Variants in PPP1R16B observed in about 807,000 individuals in gnomAD.
PPP1R16B encodes protein phosphatase 1 regulatory subunit 16B.
A neutral mutation model predicts 61.7 loss-of-function variants in PPP1R16B; 14 were observed. The ratio of observed to expected loss-of-function variants is 0.23; its 90% confidence interval spans 0.15 to 0.35. PPP1R16B has a LOEUF of 0.35. Ranked by LOEUF, PPP1R16B falls within the 10% of genes least tolerant of loss-of-function variation. The pLI is 1.00. For missense variants in PPP1R16B, 547 were observed against 752.5 expected (o/e 0.73, Z 3.19); for synonymous variants, 266 against 305.3 (o/e 0.87, Z 1.34).
chr20:38,881,667 T>C (rs910885684), intron 2 of PPP1R16B, among the ~76,000 whole-genome samples: 1 of 152,216 alleles, frequency 6.6e-6, no homozygotes, highest in African/African-American at 2.4e-5. Context: ...GTGACTTCAT[T>C]TGCAAATATA....
intron 2 of PPP1R16B, among the ~76,000 whole-genome samples, chr20:38,877,952 GTTTTTTTTT>G (rs34151516): frequency 2.8e-4 from 16 of 57,778 alleles, no homozygotes; most frequent in African/African-American, 9.2e-4. Context: ...GCACACAGTT[GTTTTTTTTT>G]TTTTTTTTTT....
chr20:38,814,161 C>T (rs957110784), intron 1 of PPP1R16B, among the ~76,000 whole-genome samples: 1 of 152,174 alleles, frequency 6.6e-6, no homozygotes, highest in African/African-American at 2.4e-5. Context: ...GGTTCAATGT[C>T]TTACTCAAGG....
chr20:38,875,890 G>C (rs2085162229), intron 2 of PPP1R16B, among the ~76,000 whole-genome samples: 1 of 151,696 alleles, frequency 6.6e-6, no homozygotes, highest in East Asian at 1.9e-4. Context: ...GTTCACCTTG[G>C]ACTTATATTT....
At chr20:38,875,010 C>T (rs1175342110) in intron 2 of PPP1R16B, among the ~76,000 whole-genome samples, 3 of 152,190 alleles carry the variant, frequency 2.0e-5, no homozygotes, top group Non-Finnish European at 2.9e-5. Flanking sequence ...CTCTTCTTAT[C>T]GCAGGCTTGT....
chr20:38,882,349 A>AT (rs201230872), intron 2 of PPP1R16B, among the ~76,000 whole-genome samples: 1,720 of 151,060 alleles, frequency 0.011, 29 homozygotes, highest in African/African-American at 0.04. Context: ...CTGCTCACTC[A>AT]TTTTTTTTTA....
At chr20:38,846,563 T>C (rs1336863595) in intron 2 of PPP1R16B, among the ~76,000 whole-genome samples, 1 of 152,246 alleles carries the variant, frequency 6.6e-6, no homozygotes, top group Non-Finnish European at 1.5e-5. Context: ...ATATACTCTT[T>C]GGAAAAAGAG....
chr20:38,858,555 C>G (rs938379173), intron 2 of PPP1R16B, among the ~76,000 whole-genome samples: 2 of 152,124 alleles, frequency 1.3e-5, no homozygotes, highest in Non-Finnish European at 2.9e-5. Context: ...AGGAAAGGAC[C>G]AAACCTGATT....
chr20:38,868,817 C>CA (rs1219335793), intron 2 of PPP1R16B, among the ~76,000 whole-genome samples: 2 of 152,144 alleles, frequency 1.3e-5, no homozygotes, highest in African/African-American at 4.8e-5. Context: ...GTGTGACCAG[C>CA]ACTGCAGTCA....
intron 10 of PPP1R16B, among the ~76,000 whole-genome samples, chr20:38,911,109 G>T (rs2085485259): frequency 6.6e-6 from 1 of 151,622 alleles, no homozygotes; most frequent in Non-Finnish European, 1.5e-5. Flanking sequence ...GTCTCCCAAA[G>T]TGCTGGGATT....
In PPP1R16B at chr20:38,818,326, G is replaced by C. The variant is rs533953360; in HGVS notation, c.-102+12534G>C. Among the ~76,000 whole-genome samples the C allele has an allele frequency of 3.8e-3, 576 of 152,316 alleles. 5 individuals are homozygous for C. The highest frequency in any genetic ancestry group is 0.013 in the African/African-American group (550 of 41,552). On this transcript the variant is annotated intron_variant, in intron 1 of 10. Coordinates refer to ENST00000299824, the MANE Select transcript of PPP1R16B (RefSeq NM_015568.4). ...AGCAAATGGTGAGTACCACTGGGGAGGAGTGAATCATCAGTCCTGTTCGGT... is the reference window on the plus strand; with the variant it reads ...AGCAAATGGTGAGTACCACTGGGGACGAGTGAATCATCAGTCCTGTTCGGT...
At chr20:38,840,264 G>A (rs1193944036) in intron 2 of PPP1R16B, among the ~76,000 whole-genome samples, 4 of 152,150 alleles carry the variant, frequency 2.6e-5, no homozygotes, top group Non-Finnish European at 5.9e-5. Flanking sequence ...GTGGGAGCGT[G>A]GGGTGGCAGC....
Position 38,918,790 on chromosome 20 carries a change from A to C in PPP1R16B, c.*124A>C. Reference sequence around the variant, plus strand: ...GAGGTGGGCTCTGCTTTTCAGAGGAACTCAGACCCCAGCCCTCAGCTGGCT... The same window carrying C: ...GAGGTGGGCTCTGCTTTTCAGAGGACCTCAGACCCCAGCCCTCAGCTGGCT... On this transcript the variant is annotated 3_prime_UTR_variant, in exon 11 of 11. Coordinates refer to ENST00000299824, the MANE Select transcript of PPP1R16B (RefSeq NM_015568.4). This position sits in a 1 kb window ranked among gnomAD's most constrained non-coding sequence, Gnocchi z 5.3. 8.4e-7 allele frequency: 1 copy of C among 1,185,994 alleles called. No individual in the cohort carries two copies. The highest frequency in any genetic ancestry group is 1.1e-6 in the Non-Finnish European group (1 of 903,376). The allele number at this position is 1,185,994 out of a possible 1,614,324, so 73.5% of individuals were successfully genotyped here.
chr20:38,907,982 C>T lies in PPP1R16B; in HGVS notation c.1029-46C>T, dbSNP rs1185360044. ...CAGGAGTCCCTGTGTGTGCTCCTGC[C>T]TGTGGTGCCTGGGTGCAGCCTCTAG... is the stretch of plus-strand genomic sequence containing the variant. On this transcript the variant is annotated intron_variant, in intron 9 of 10. Coordinates refer to ENST00000299824, the MANE Select transcript of PPP1R16B (RefSeq NM_015568.4). The surrounding 1 kb of genome is among the most constrained non-coding windows in gnomAD (Gnocchi z 4.5). 2 of 1,613,866 alleles carry T rather than the reference C, an allele frequency of 1.2e-6. No individual in the cohort carries two copies. Among genetic ancestry groups the T allele is most frequent in the Admixed American group, 3.3e-5 (2 of 60,014 alleles).
chr20:38,909,874 A>T (rs2085475166), intron 10 of PPP1R16B, among the ~76,000 whole-genome samples: 1 of 152,196 alleles, frequency 6.6e-6, no homozygotes, highest in South Asian at 2.1e-4. Flanking sequence ...AGAGATGTAG[A>T]TCAGTATCAA....
chr20:38,886,867 A>T (rs984711649), intron 2 of PPP1R16B, among the ~76,000 whole-genome samples: 3 of 152,230 alleles, frequency 2.0e-5, no homozygotes, highest in Non-Finnish European at 2.9e-5. Flanking sequence ...AGCCATAAGT[A>T]CCAGGTCATG....
chr20:38,911,139 C>T (rs1222104271), intron 10 of PPP1R16B, among the ~76,000 whole-genome samples: 1 of 151,672 alleles, frequency 6.6e-6, no homozygotes, highest in Admixed American at 6.6e-5. Flanking sequence ...AGCCACTGTA[C>T]CTGGCCTCAT....
rs1182960567 is a variant in PPP1R16B, at chr20:38,921,462, A to G, written c.*2796A>G. 1 of 152,190 alleles carries G rather than the reference A, an allele frequency of 6.6e-6. No individual in the cohort carries two copies. Among genetic ancestry groups the G allele is most frequent in the Non-Finnish European group, 1.5e-5 (1 of 68,028 alleles). The allele number at this position is 152,190 out of a possible 1,614,324, so 9.4% of individuals were successfully genotyped here. ...AGGCATCAGCAGTCCCATTCAAGTC[A>G]CCTGAGGCAAAGTGTCTGCATCTTC... On this transcript the variant is annotated 3_prime_UTR_variant, in exon 11 of 11. Coordinates refer to ENST00000299824, the MANE Select transcript of PPP1R16B (RefSeq NM_015568.4).
intron 3 of PPP1R16B, among the ~76,000 whole-genome samples, chr20:38,893,735 G>T (rs16987660): frequency 6.6e-6 from 1 of 151,962 alleles, no homozygotes; most frequent in Non-Finnish European, 1.5e-5. Context: ...TATTCAGGCC[G>T]GGTCTCCCAG....
intron 1 of PPP1R16B, among the ~76,000 whole-genome samples, chr20:38,833,460 G>T (rs1190921733): frequency 3.3e-5 from 5 of 152,190 alleles, no homozygotes; most frequent in Non-Finnish European, 7.3e-5. Flanking sequence ...ATCACGTCAG[G>T]TTTCTGGCTG....
Sources: gnomAD v4.1 joint callset for allele counts (sites outside exome capture counted in the v4.1 genomes callset) on GRCh38, gnomAD v4.1.1 for gene constraint, Gnocchi (gnomAD v3.1) non-coding constraint, MANE v1.5 for transcripts, NCBI Gene and HGNC (gene_info 2026-07-23, HGNC 2026-07-21) for gene names.